The following ANO5 variants were observed in gnomAD, a reference collection of about 807,000 sequenced individuals.
The protein encoded by ANO5 is anoctamin-5.
ANO5 carries 109 observed loss-of-function variants against 121.0 expected under a neutral mutation model. The ratio of observed to expected loss-of-function variants is 0.90; its 90% CI spans 0.77 to 1.06. The LOEUF (loss-of-function observed/expected upper bound fraction) is 1.06, where lower values mean the gene tolerates loss of function less well. Ranked by LOEUF, ANO5 falls within the 50% of genes least tolerant of loss-of-function variation. The pLI, the probability that ANO5 is intolerant of heterozygous loss-of-function variation, is 0.00. For synonymous variants in ANO5, 406 were observed against 359.9 expected (o/e 1.13, Z -1.45); for missense variants, 1,064 against 1,078.5 (o/e 0.99, Z 0.19).
intron 5 of ANO5, among the ~76,000 whole-genome samples, chr11:22,222,489 A>T (rs1472612201): frequency 6.6e-6 from 1 of 151,908 alleles, no homozygotes; most frequent in Non-Finnish European, 1.5e-5. Context: ...TTACATGTAC[A>T]ACTGTCTGAT....
At chr11:22,200,813 G>T (rs1352647482) in intron 1 of ANO5, among the ~76,000 whole-genome samples, 3 of 152,070 alleles carry the variant, frequency 2.0e-5, no homozygotes, top group African/African-American at 4.8e-5. Context: ...TCTTGATGGG[G>T]GATGGCAGAC....
Position 22,202,073 on chromosome 11 carries a change from G to T in ANO5, c.41-1731G>T, listed in dbSNP as rs138478040. Among the ~76,000 whole-genome samples the T allele has an allele frequency of 3.3e-5, 5 of 151,754 alleles. No homozygotes were observed. The East Asian group carries it at 7.7e-4, about 23-fold the overall frequency. On this transcript the variant is annotated intron_variant, in intron 1 of 21. Transcript: ENST00000324559. The stretch of plus-strand genomic sequence containing the variant: ...TTGGTTGGTTTTAGTTAATTTTAAA[G>T]AATTTTATTGTTTGCCAAAGGCAAA...
intron 4 of ANO5, among the ~76,000 whole-genome samples, chr11:22,219,271 A>T (rs1852561384): frequency 6.6e-6 from 1 of 152,030 alleles, no homozygotes; most frequent in African/African-American, 2.4e-5. Flanking sequence ...GACAGTATGT[A>T]TACCTATTTT....
At position 22,279,553 on chromosome 11, in the gene ANO5, T is replaced by A. The variant is rs1281717266; in HGVS notation, c.2530T>A (p.Phe844Ile). The change falls in exon 22 of 22, where the codon TTT (phenylalanine) becomes ATT (isoleucine). Residue 844 changes from phenylalanine (F) to isoleucine (I), a missense_variant. Coordinates refer to ENST00000324559, the MANE Select transcript of ANO5 (RefSeq NM_213599.3). ...TTTATATTTCCTCTAGCATGTTGTGTTTTTAGTTAAATTTTTGCTGGCCTG... is the reference window on the plus strand; with the variant it reads ...TTTATATTTCCTCTAGCATGTTGTGATTTTAGTTAAATTTTTGCTGGCCTG... Reference protein sequence around the residue: ...TFIIVMEHVVFLVKFLLAWMI... With the variant: ...TFIIVMEHVVILVKFLLAWMI... 1.2e-6 allele frequency: 2 copies of A among 1,611,192 alleles called. No individual in the cohort carries two copies.
At chr11:22,275,006 A>T (rs2133796155) in intron 20 of ANO5, among the ~76,000 whole-genome samples, 1 of 152,066 alleles carries the variant, frequency 6.6e-6, no homozygotes, top group South Asian at 2.1e-4. Context: ...ATTAATTCAA[A>T]CTTTTTTCTT....
intron 5 of ANO5, among the ~76,000 whole-genome samples, chr11:22,222,108 T>A (rs1852671544): frequency 6.6e-6 from 1 of 151,958 alleles, no homozygotes; most frequent in Non-Finnish European, 1.5e-5. Context: ...ATACAACATT[T>A]CCCTAGAGAT....
chr11:22,238,122 C>G (rs912181947), intron 8 of ANO5, among the ~76,000 whole-genome samples: 18 of 152,018 alleles, frequency 1.2e-4, no homozygotes, highest in Admixed American at 5.9e-4. Context: ...AGAGGGCCCA[C>G]TGTCACAATT....
intron 9 of ANO5, among the ~76,000 whole-genome samples, chr11:22,239,953 T>C (rs1374845718): frequency 6.6e-6 from 1 of 152,088 alleles, no homozygotes; most frequent in Non-Finnish European, 1.5e-5. Flanking sequence ...TTGAAAGCTA[T>C]ATAAATTTGG....
Position 22,282,057 on chromosome 11 carries a change from T to G in ANO5, c.*2292T>G, listed in dbSNP as rs949344166. On this transcript the variant is annotated 3_prime_UTR_variant, in exon 22 of 22. Transcript: ENST00000324559. ...GTAGCCAAACCAATTCAGATAGATGTGTCTCATCTAATTAAACCCATTGGT... is the reference window on the plus strand; with the variant it reads ...GTAGCCAAACCAATTCAGATAGATGGGTCTCATCTAATTAAACCCATTGGT... 6.6e-6 allele frequency: 1 copy of G among 152,136 alleles called. No individual in the cohort carries two copies. Among genetic ancestry groups the G allele is most frequent in the African/African-American group, 2.4e-5 (1 of 41,460 alleles). 9.4% of individuals were successfully genotyped at this position (152,136 alleles called of 1,614,324 possible).
intron 8 of ANO5, among the ~76,000 whole-genome samples, chr11:22,238,098 G>GACA (rs1237360799): frequency 6.6e-6 from 1 of 152,054 alleles, no homozygotes; most frequent in Admixed American, 6.6e-5. Context: ...TGTGGGTGCA[G>GACA]AACCTGCAGA....
Position 22,193,505 on chromosome 11 carries a change from G to A in ANO5, c.13G>A (p.Asp5Asn), listed in dbSNP as rs773048192. 1.2e-6 allele frequency: 2 copies of A among 1,613,118 alleles called. No individual in the cohort carries two copies. Among genetic ancestry groups the A allele is most frequent in the African/African-American group, 1.3e-5 (1 of 75,056 alleles). The change falls in exon 1 of 22, where the codon GAT (aspartate) becomes AAT (asparagine). Residue 5 changes from aspartate (D) to asparagine (N), a missense_variant. Asp to Asn is a conservative substitution (Grantham distance 23). Transcript: ENST00000324559. MGDP[D>N]LLEVLAEEGE... ...CGAGCTGGCGAAGATGGGCGACCCG[G>A]ATCTCCTGGAAGTGTTGGCGGAGGA...
In ANO5 at chr11:22,281,383, C is replaced by A. The variant is rs1364733924; in HGVS notation, c.*1618C>A. ...GATTTTATAAACTATGAGACAGTCA[C>A]CCCAGTTTGGACTGGGACTAATCCC... On this transcript the variant is annotated 3_prime_UTR_variant, in exon 22 of 22. Coordinates refer to ENST00000324559, the MANE Select transcript of ANO5 (RefSeq NM_213599.3). 1 of 151,978 alleles carries A rather than the reference C, an allele frequency of 6.6e-6. No individual in the cohort carries two copies. The highest frequency in any genetic ancestry group is 2.4e-5 in the African/African-American group (1 of 41,412). The allele number at this position is 151,978 out of a possible 1,614,324, so 9.4% of individuals were successfully genotyped here.
intron 7 of ANO5, among the ~76,000 whole-genome samples, chr11:22,230,446 T>C (rs549067423): frequency 6.6e-6 from 1 of 152,190 alleles, no homozygotes; most frequent in South Asian, 2.1e-4. Context: ...CAAATAATAT[T>C]TTACAGCTGG....
At chr11:22,197,147 TTAGACTTAA>T (rs1470864522) in intron 1 of ANO5, among the ~76,000 whole-genome samples, 1 of 152,190 alleles carries the variant, frequency 6.6e-6, no homozygotes, top group African/African-American at 2.4e-5. Flanking sequence ...ATTTTGCCTT[TTAGACTTAA>T]TAGATCTAAG....
intron 1 of ANO5, among the ~76,000 whole-genome samples, chr11:22,193,833 G>A (rs1243704235): frequency 3.9e-5 from 6 of 152,180 alleles, no homozygotes; most frequent in Non-Finnish European, 7.4e-5. Flanking sequence ...CCTGGGAACC[G>A]CCGAGTAATT....
intron 17 of ANO5, among the ~76,000 whole-genome samples, chr11:22,267,939 C>A (rs1432919148): frequency 6.6e-6 from 1 of 152,136 alleles, no homozygotes; most frequent in Non-Finnish European, 1.5e-5. Context: ...AGAACATGAT[C>A]TTGTTCTTTT....
At chr11:22,273,785 A>G (rs1854721643) in intron 19 of ANO5, among the ~76,000 whole-genome samples, 1 of 152,154 alleles carries the variant, frequency 6.6e-6, no homozygotes, top group Non-Finnish European at 1.5e-5. Flanking sequence ...ACTCTGAAAA[A>G]AAGTATGAGA....
chr11:22,274,628 C>T lies in ANO5; in HGVS notation c.2295C>T (p.Tyr765=). The T allele has an allele frequency of 6.2e-7, 1 of 1,613,076 alleles. No homozygotes were observed. Among genetic ancestry groups the T allele is most frequent in the South Asian group, 1.1e-5 (1 of 91,050 alleles). The part of the protein sequence containing the change: ...IIPRLVYYYA[Y]STNATQPMTG... ...CCCGTCTAGTTTACTACTATGCTTA[C>T]TCAACAAATGCCACACAGCCTATGA... is the stretch of plus-strand genomic sequence containing the variant. Residue 765 remains tyrosine (Y), a synonymous_variant, in exon 20 of 22, where the codon TAC becomes TAT. Transcript: ENST00000324559.
chr11:22,240,784 T>C (rs1853402874), intron 9 of ANO5, among the ~76,000 whole-genome samples: 1 of 142,044 alleles, frequency 7.0e-6, no homozygotes, highest in African/African-American at 2.5e-5. Context: ...CCTATTTTTG[T>C]GTTCCTGCAT....
Sources: gnomAD v4.1 joint callset for allele counts (sites outside exome capture counted in the v4.1 genomes callset) on GRCh38, gnomAD v4.1.1 for gene constraint, MANE v1.5 for transcripts, NCBI Gene and HGNC (gene_info 2026-07-23, HGNC 2026-07-21) for gene names.